GRM7: variants seen among roughly 807,000 people sequenced by gnomAD.
GRM7 encodes the protein glutamate metabotropic receptor 7, also known as metabotropic glutamate receptor 7.
GRM7 carries 35 observed loss-of-function variants against 84.5 expected under a neutral mutation model. That is an observed-to-expected ratio of 0.41 (90% CI 0.32 to 0.55). GRM7 has a LOEUF of 0.55. Among genes scored for constraint, GRM7 ranks in the 20% least tolerant of loss-of-function variants. The pLI, the probability that GRM7 is intolerant of heterozygous loss-of-function variation, is 0.19. For missense variants in GRM7, 1,003 were observed against 1,194.6 expected, an observed-to-expected ratio of 0.84 and a Z score of 2.36; for synonymous variants, 487 against 455.1, an observed-to-expected ratio of 1.07 and a Z score of -0.89.
chr3:7,110,794 T>G (rs1025661241), intron 1 of GRM7, among the ~76,000 whole-genome samples: 1 of 151,980 alleles, frequency 6.6e-6, no homozygotes, highest in Non-Finnish European at 1.5e-5. Flanking sequence ...GGGAGAAGAA[T>G]GTGTAAATTA....
chr3:7,593,285 G>T (rs376537208), intron 8 of GRM7, among the ~76,000 whole-genome samples: 22 of 152,136 alleles, frequency 1.4e-4, no homozygotes, highest in African/African-American at 5.1e-4. Flanking sequence ...GTTATATCCA[G>T]TTTGCGGGGT....
chr3:7,325,326 AC>A (rs1248589342), intron 4 of GRM7, among the ~76,000 whole-genome samples: 1 of 152,206 alleles, frequency 6.6e-6, no homozygotes, highest in Admixed American at 6.5e-5. Context: ...TGACCAAAGG[AC>A]CAAAGATTCT....
At chr3:7,090,510 C>G (rs1383470999) in intron 1 of GRM7, among the ~76,000 whole-genome samples, 1 of 152,202 alleles carries the variant, frequency 6.6e-6, no homozygotes, top group Non-Finnish European at 1.5e-5. Context: ...CAACCCCCTT[C>G]CCAAATTGAA....
In GRM7 at chr3:7,715,444, C is replaced by T. The variant is rs539646026; in HGVS notation, c.2699-24913C>T. On this transcript the variant is annotated intron_variant, in intron 9 of 9. Transcript: ENST00000357716. ...GCGACCATCATGCCACTGCACTCCA[C>T]GCCATAGCATGACCCTGTCTCAAAA... 1.2e-4 allele frequency among the ~76,000 whole-genome samples: 18 copies of T among 152,194 alleles called. No individual in the cohort carries two copies. In the East Asian group the frequency reaches 2.7e-3, roughly 23 times the overall value.
chr3:7,067,711 A>G (rs1416376490), intron 1 of GRM7, among the ~76,000 whole-genome samples: 4 of 151,890 alleles, frequency 2.6e-5, no homozygotes, highest in Non-Finnish European at 5.9e-5. Flanking sequence ...TCTAAAGACT[A>G]TTGGCCAGAA....
intron 1 of GRM7, among the ~76,000 whole-genome samples, chr3:7,130,884 C>T (rs1484323369): frequency 2.6e-5 from 4 of 152,088 alleles, no homozygotes; most frequent in Non-Finnish European, 5.9e-5. Flanking sequence ...ACCTACCAGG[C>T]TACTCCAGCC....
At chr3:7,724,357 C>G (rs889427532) in intron 9 of GRM7, among the ~76,000 whole-genome samples, 8 of 152,228 alleles carry the variant, frequency 5.3e-5, no homozygotes, top group Non-Finnish European at 1.2e-4. Context: ...AGAAGCCACT[C>G]TCCTAATTCA....
At chr3:7,395,744 T>C (rs712762) in intron 4 of GRM7, among the ~76,000 whole-genome samples, 100,889 of 152,066 alleles carry the variant, frequency 0.66, 33,992 homozygotes, top group African/African-American at 0.77. Flanking sequence ...GCCTCCCCAG[T>C]CATATGGAAT....
chr3:7,101,419 T>C (rs550780517), intron 1 of GRM7, among the ~76,000 whole-genome samples: 56 of 151,866 alleles, frequency 3.7e-4, no homozygotes, highest in African/African-American at 1.3e-3. Flanking sequence ...CCAGCTTTCT[T>C]ATGCTTGTTG....
intron 2 of GRM7, among the ~76,000 whole-genome samples, chr3:7,279,155 A>G (rs1699172167): frequency 6.6e-6 from 1 of 152,196 alleles, no homozygotes. Context: ...TTCACCAAAT[A>G]CTGGAGTGAT....
intron 1 of GRM7, among the ~76,000 whole-genome samples, chr3:7,029,177 A>G (rs1211972665): frequency 6.6e-6 from 1 of 152,008 alleles, no homozygotes; most frequent in Non-Finnish European, 1.5e-5. Context: ...GGTTGCACAC[A>G]CTTGTAATCG....
chr3:7,128,253 AT>A (rs1693467481), intron 1 of GRM7, among the ~76,000 whole-genome samples: 1 of 151,684 alleles, frequency 6.6e-6, no homozygotes, highest in Admixed American at 6.6e-5. Flanking sequence ...GCATCTCATC[AT>A]TTTGCTTGAT....
At chr3:7,362,654 C>T (rs1242675895) in intron 4 of GRM7, among the ~76,000 whole-genome samples, 1 of 152,064 alleles carries the variant, frequency 6.6e-6, no homozygotes, top group East Asian at 1.9e-4. Context: ...TCATTAAAAA[C>T]ATACCTTATG....
At chr3:7,304,308 CTTTT>C (rs34986687) in intron 3 of GRM7, among the ~76,000 whole-genome samples, 2 of 98,042 alleles carry the variant, frequency 2.0e-5, no homozygotes, top group African/African-American at 7.3e-5. Flanking sequence ...ATCATCCATC[CTTTT>C]TTTTTTTTTT....
At chr3:7,245,857 A>T (rs966883355) in intron 2 of GRM7, among the ~76,000 whole-genome samples, 2 of 152,138 alleles carry the variant, frequency 1.3e-5, no homozygotes, top group African/African-American at 4.8e-5. Context: ...TGAGGCTTAC[A>T]TGAAGAAATT....
rs73117032 is a variant in GRM7, at chr3:7,124,282, G to A, written c.520-22170G>A. On this transcript the variant is annotated intron_variant, in intron 1 of 9. Transcript: ENST00000357716. ...CAGGAAAGTTCAAATGTGGAGCATA[G>A]CATGCTTAGATTTAAACATATTGAT... is the stretch of plus-strand genomic sequence containing the variant. 7.9e-3 allele frequency among the ~76,000 whole-genome samples: 1,210 copies of A among 152,282 alleles called. 13 individuals carry two copies. The highest frequency in any genetic ancestry group is 0.028 in the African/African-American group (1,145 of 41,556).
intron 1 of GRM7, among the ~76,000 whole-genome samples, chr3:6,874,639 A>T (rs17046245): frequency 0.038 from 5,773 of 152,316 alleles, 166 homozygotes; most frequent in East Asian, 0.084. Flanking sequence ...CGGAGCTAGG[A>T]TATTCAAGCC....
At chr3:7,284,362 C>T (rs1575119271) in intron 2 of GRM7, among the ~76,000 whole-genome samples, 1 of 151,394 alleles carries the variant, frequency 6.6e-6, no homozygotes, top group African/African-American at 2.4e-5. Flanking sequence ...ACAATCAATA[C>T]TAACAATCAA....
intron 2 of GRM7, among the ~76,000 whole-genome samples, chr3:7,214,094 G>T (rs1472135271): frequency 1.4e-5 from 2 of 145,718 alleles, no homozygotes; most frequent in African/African-American, 2.6e-5. Context: ...TGCTCACAGA[G>T]CTCATCTGAA....
Sources: allele counts gnomAD v4.1 joint callset (sites outside exome capture counted in the v4.1 genomes callset), GRCh38; gene constraint gnomAD v4.1.1; transcripts MANE v1.5; gene names NCBI Gene and HGNC (gene_info 2026-07-23, HGNC 2026-07-21).